Variants in RNF115 observed in about 807,000 individuals in gnomAD.
RNF115 encodes the protein E3 ubiquitin-protein ligase RNF115.
In RNF115, 31 loss-of-function variants were observed where a neutral mutation model predicts 39.2. The observed-to-expected ratio is 0.79, with a 90% CI of 0.59 to 1.07. RNF115 has a LOEUF of 1.07. Ranked by LOEUF, RNF115 falls within the 50% of genes least tolerant of loss-of-function variation. RNF115 has a pLI of 0.00. For missense variants in RNF115, 384 were observed against 381.7 expected (o/e 1.01, Z -0.05); for synonymous variants, 124 against 131.0 (o/e 0.95, Z 0.37).
At chr1:145,762,539 ATTCAAT>A (rs1174772070) in intron 4 of RNF115, among the ~76,000 whole-genome samples, 1 of 152,224 alleles carries the variant, frequency 6.6e-6, no homozygotes, top group Non-Finnish European at 1.5e-5. Flanking sequence ...AGTATAATCA[ATTCAAT>A]TTCAATTATA....
intron 1 of RNF115, among the ~76,000 whole-genome samples, chr1:145,819,795 T>TA (rs58321066): frequency 6.6e-6 from 1 of 151,928 alleles, no homozygotes; most frequent in Non-Finnish European, 1.5e-5. Flanking sequence ...CTCAGCACTT[T>TA]GGGGGGCCAA....
At chr1:145,814,343 C>G (rs782766197) in intron 1 of RNF115, among the ~76,000 whole-genome samples, 75 of 152,164 alleles carry the variant, frequency 4.9e-4, no homozygotes, top group Non-Finnish European at 1.0e-3. Context: ...AACCACTGCT[C>G]TAGGCTATCT....
At chr1:145,789,632 A>G (rs587677563) in intron 1 of RNF115, among the ~76,000 whole-genome samples, 2 of 150,732 alleles carry the variant, frequency 1.3e-5, no homozygotes, top group South Asian at 4.2e-4. Context: ...TCCCGACCTC[A>G]GCTGAACTAC....
At chr1:145,782,263 C>T (rs587646082) in intron 3 of RNF115, among the ~76,000 whole-genome samples, 2 of 152,236 alleles carry the variant, frequency 1.3e-5, no homozygotes. Context: ...TCCTTTCAGG[C>T]AAGGCAACCA....
chr1:145,758,986 A>G (rs749429395), intron 4 of RNF115, among the ~76,000 whole-genome samples: 1 of 152,232 alleles, frequency 6.6e-6, no homozygotes, highest in Non-Finnish European at 1.5e-5. Context: ...TTAGAAACTC[A>G]CAGACGAGAA....
chr1:145,773,580 T>C (rs1397995574), intron 3 of RNF115: 2 of 152,180 alleles, frequency 1.3e-5, no homozygotes, highest in Non-Finnish European at 2.9e-5. Flanking sequence ...TACCTTAATA[T>C]TCACTTCCTG....
intron 4 of RNF115, among the ~76,000 whole-genome samples, chr1:145,770,857 A>G (rs782545999): frequency 4.6e-5 from 7 of 152,212 alleles, no homozygotes; most frequent in Non-Finnish European, 1.0e-4. Flanking sequence ...TTGTGTTCCT[A>G]GTGTCTAGTA....
At chr1:145,811,908 AATATATAT>A (rs1165510589) in intron 1 of RNF115, among the ~76,000 whole-genome samples, 1 of 55,150 alleles carries the variant, frequency 1.8e-5, no homozygotes, top group African/African-American at 5.7e-5. Flanking sequence ...AAAAAAAAAA[AATATATAT>A]ATATATATAT....
At chr1:145,750,558 G>C (rs1658041480) in intron 6 of RNF115, 58 bp from the exon 7 acceptor site, 1 of 1,305,084 alleles carries the variant, frequency 7.7e-7, no homozygotes, top group Non-Finnish European at 1.1e-6. Context: ...TCCCTGGAGA[G>C]GGAACTGCTC....
At chr1:145,770,378 C>T (rs782208038) in intron 4 of RNF115, among the ~76,000 whole-genome samples, 10 of 151,980 alleles carry the variant, frequency 6.6e-5, no homozygotes, top group Non-Finnish European at 1.0e-4. Context: ...GGAGTGTAGG[C>T]TCTAGAACAG....
chr1:145,759,305 C>G (rs1553713573), intron 4 of RNF115, among the ~76,000 whole-genome samples: 2 of 152,160 alleles, frequency 1.3e-5, no homozygotes, highest in Admixed American at 1.3e-4. Context: ...TCTGCCTATT[C>G]AACATTTCCA....
chr1:145,814,595 A>G (rs1488673145), intron 1 of RNF115, among the ~76,000 whole-genome samples: 1 of 151,702 alleles, frequency 6.6e-6, no homozygotes, highest in Non-Finnish European at 1.5e-5. Flanking sequence ...AAAAAAAAAA[A>G]GAGGCAACTA....
chr1:145,809,285 C>T (rs1649592672), intron 1 of RNF115, among the ~76,000 whole-genome samples: 1 of 150,440 alleles, frequency 6.6e-6, no homozygotes, highest in Non-Finnish European at 1.5e-5. Context: ...CTCCTGGGTT[C>T]AAGTGGTTAT....
intron 3 of RNF115, among the ~76,000 whole-genome samples, chr1:145,782,464 C>T (rs1300682910): frequency 6.6e-6 from 1 of 152,140 alleles, no homozygotes; most frequent in African/African-American, 2.4e-5. Flanking sequence ...AAAACACACA[C>T]ACACACACTT....
At chr1:145,782,568 A>C (rs1648198257) in intron 3 of RNF115, among the ~76,000 whole-genome samples, 1 of 152,216 alleles carries the variant, frequency 6.6e-6, no homozygotes, top group Admixed American at 6.5e-5. Context: ...CTGAAGGATA[A>C]CTCATGCCAT....
intron 3 of RNF115, among the ~76,000 whole-genome samples, chr1:145,774,553 G>GT (rs1359659744): frequency 6.6e-6 from 1 of 152,034 alleles, no homozygotes; most frequent in African/African-American, 2.4e-5. Context: ...GTTTCACCAT[G>GT]TTGGCCAGGC....
rs111376607 is a variant in RNF115 at position 145,745,459 on chromosome 1, A to AT, written c.*1406dup. 42,096 of 138,626 alleles carry AT rather than the reference A, an allele frequency of 0.3. 6,893 individuals carry two copies. The highest frequency in any genetic ancestry group is 0.38 in the Non-Finnish European group (24,515 of 64,706). 8.6% of individuals were successfully genotyped at this position (138,626 alleles called of 1,614,324 possible). On this transcript the variant is annotated 3_prime_UTR_variant, in exon 9 of 9. Transcript: ENST00000582693. ...AAACAAAAAAAGCAGTGAGTTGGGG[A>AT]TTTTTTTTTTTTTTTTGAGATGGAG...
intron 4 of RNF115, among the ~76,000 whole-genome samples, chr1:145,759,597 A>G (rs938249221): frequency 6.6e-6 from 1 of 152,172 alleles, no homozygotes; most frequent in Non-Finnish European, 1.5e-5. Flanking sequence ...GCTTATATTA[A>G]TGCAATAGCC....
Position 145,741,379 on chromosome 1 carries a change from A to T in RNF115, c.*5487T>A, listed in dbSNP as rs1262181243. On this transcript the variant is annotated 3_prime_UTR_variant, in exon 9 of 9. Coordinates refer to ENST00000582693, the MANE Select transcript of RNF115 (RefSeq NM_014455.4). The stretch of plus-strand genomic sequence containing the variant: ...TGTACTTGTCTGTGGCAGGTATGAG[A>T]GATCGAAACCTTACAATGTCAATGG... 3 of 152,316 alleles carry T rather than the reference A, an allele frequency of 2.0e-5. No individual in the cohort carries two copies. Among genetic ancestry groups the T allele is most frequent in the African/African-American group, 7.2e-5 (3 of 41,574 alleles). The allele number at this position is 152,316 out of a possible 1,614,324, so 9.4% of individuals were successfully genotyped here.
Sources: allele counts gnomAD v4.1 joint callset (sites outside exome capture counted in the v4.1 genomes callset), GRCh38; gene constraint gnomAD v4.1.1; transcripts MANE v1.5; gene names NCBI Gene and HGNC (gene_info 2026-07-23, HGNC 2026-07-21).